TCP11X2: variants seen among roughly 807,000 people sequenced by gnomAD.
TCP11X2 encodes T-complex protein 11-like X-linked protein 2.
A neutral mutation model predicts 16.0 loss-of-function variants in TCP11X2; 1 was observed. The observed-to-expected ratio is 0.06, with a 90% CI of 0.02 to 0.30. The LOEUF is 0.30. Among genes scored for constraint, TCP11X2 ranks in the 10% least tolerant of loss-of-function variants. TCP11X2 has a pLI of 1.00. For synonymous variants in TCP11X2, 2 were observed against 72.2 expected, an observed-to-expected ratio of 0.03 and a Z score of 4.93; for missense variants, 13 against 184.6, an observed-to-expected ratio of 0.07 and a Z score of 5.39.
intron 6 of TCP11X2, 23 bp downstream of exon 6, chrX:102,463,569 C>T: frequency 1.8e-6 from 2 of 1,132,106 alleles, no homozygotes; most frequent in Non-Finnish European, 2.3e-6. Flanking sequence ...CTCCCCTCTC[C>T]TGCCCTTGAA....
At chrX:102,463,557 A>G (rs1934588535) in intron 6 of TCP11X2, 35 bp downstream of exon 6, 1 of 1,151,763 alleles carries the variant, frequency 8.7e-7, no homozygotes, top group Non-Finnish European at 1.2e-6. Context: ...CTGAGGTCAA[A>G]TCTCCCCTCT....
intron 3 of TCP11X2, among the ~76,000 whole-genome samples, chrX:102,466,424 T>TAA (rs1934604746): frequency 5.6e-5 from 1 of 17,865 alleles, no homozygotes; most frequent in Non-Finnish European, 1.3e-4. Flanking sequence ...AAAAAAAAAA[T>TAA]ATATATATAT....
At chrX:102,463,058 AGAGG>A in intron 7 of TCP11X2, 32 bp from the exon 8 acceptor site, 1 of 1,152,751 alleles carries the variant, frequency 8.7e-7, no homozygotes, top group South Asian at 1.9e-5. Context: ...GCCCATCAGA[AGAGG>A]AGGGTTTGAA....
chrX:102,463,696 A>AT lies in TCP11X2; in HGVS notation c.604dup (p.Met202AsnfsTer23), dbSNP rs1934591478. Reference sequence around the variant, plus strand: ...CTGGATGGTATAGTTCACCATGTCCATTTTCATTAGGCCCAGAACACGGAG... The same window carrying AT: ...CTGGATGGTATAGTTCACCATGTCCATTTTTCATTAGGCCCAGAACACGGAG... On this transcript the variant is annotated frameshift_variant, in exon 6 of 10. Coordinates refer to ENST00000642911, the Ensembl canonical transcript of TCP11X2. LOFTEE classifies it high-confidence loss of function. The AT allele has an allele frequency of 6.0e-6, 6 of 1,001,971 alleles. No homozygotes were observed. The South Asian group carries it at 1.1e-4, about 19-fold the overall frequency. 82.6% of individuals were successfully genotyped at this position (1,001,971 alleles called of 1,213,427 possible). A position where few individuals can be genotyped will look rare whatever the true frequency, so the allele number is the denominator to read the frequency against.
intron 3 of TCP11X2, among the ~76,000 whole-genome samples, chrX:102,467,332 TACTC>T (rs1459019064): frequency 3.9e-5 from 4 of 102,860 alleles, no homozygotes; most frequent in Admixed American, 3.0e-4. Flanking sequence ...ACCTAATAAG[TACTC>T]AATAAATGTT....
At chrX:102,466,422 A>AAAAAAT (rs1158082257) in intron 3 of TCP11X2, among the ~76,000 whole-genome samples, 12 of 12,319 alleles carry the variant, frequency 9.7e-4, no homozygotes, top group East Asian at 7.4e-3. Flanking sequence ...AAAAAAAAAA[A>AAAAAAT]ATATATATAT....
intron 9 of TCP11X2, among the ~76,000 whole-genome samples, 165 bp from the exon 10 acceptor site, chrX:102,460,910 GGGAAT>G (rs1934568061): frequency 1.1e-5 from 1 of 93,597 alleles, no homozygotes; most frequent in Non-Finnish European, 2.1e-5. Context: ...GTTTGTTTGG[GGGAAT>G]GGAATGCCAT....
At chrX:102,463,180 T>C (rs1335591001) in exon 7 of TCP11X2, 1 of 1,167,924 alleles carries the variant, frequency 8.6e-7, no homozygotes, top group Non-Finnish European at 1.1e-6. Flanking sequence ...GTAGCCTTGG[T>C]ATAGCACCAT....
exon 7 of TCP11X2, chrX:102,463,261 C>T (rs1934583830): frequency 8.6e-7 from 1 of 1,166,110 alleles, no homozygotes; most frequent in Non-Finnish European, 1.1e-6. Context: ...GCAGGAGGAG[C>T]TAGGTGAGTC....
Position 102,466,422 on chromosome X carries a change from A to AAAAAAAT in TCP11X2, c.231-854_231-853insATTTTTT, listed in dbSNP as rs1158082257. Among the ~76,000 whole-genome samples the AAAAAAAT allele has an allele frequency of 2.5e-3, 31 of 12,319 alleles. 6 individuals carry two copies. The highest frequency in any genetic ancestry group is 4.9e-3 in the Non-Finnish European group (23 of 4,680). The allele number at this position is 12,319 out of a possible 115,157, so 10.7% of individuals were successfully genotyped here. A position where few individuals can be genotyped will look rare whatever the true frequency, so the allele number is the denominator to read the frequency against. ...AAAAAAAAAAAAAAAAAAAAAAAAA[A>AAAAAAAT]ATATATATATATATATATATGTATA... On this transcript the variant is annotated intron_variant, in intron 3 of 9. Transcript: ENST00000642911.
At chrX:102,467,438 T>TA (rs1276492235) in intron 3 of TCP11X2, among the ~76,000 whole-genome samples, 1 of 103,537 alleles carries the variant, frequency 9.7e-6, no homozygotes, top group Non-Finnish European at 2.0e-5. Context: ...AACTGTCAAT[T>TA]ATCTGTAGAT....
chrX:102,463,178 G>T (rs1443180659), exon 7 of TCP11X2: 27 of 1,167,752 alleles, frequency 2.3e-5, no homozygotes, highest in Non-Finnish European at 3.1e-5. Context: ...AGGTAGCCTT[G>T]GTATAGCACC....
At chrX:102,463,445 TTCTA>T (rs1934586936) in intron 6 of TCP11X2, 100 bp from the exon 7 acceptor site, 1 of 958,822 alleles carries the variant, frequency 1.0e-6, no homozygotes, top group South Asian at 2.1e-5. Flanking sequence ...TTGTAGATCT[TTCTA>T]TCTTAGAGAA....
intron 7 of TCP11X2, 32 bp downstream of exon 7, chrX:102,463,092 AG>A (rs1934580029): frequency 3.4e-6 from 4 of 1,162,631 alleles, no homozygotes; most frequent in Non-Finnish European, 3.4e-6. Context: ...TGAATACCAT[AG>A]AACAAGGCAA....
downstream of TCP11X2, chrX:102,460,467 C>CCT: frequency 2.2e-6 from 1 of 445,786 alleles, no homozygotes; most frequent in Non-Finnish European, 3.6e-6. Context: ...AACATGCTGA[C>CCT]CTCTCTCTCC....
intron 3 of TCP11X2, among the ~76,000 whole-genome samples, chrX:102,466,309 T>C (rs1556397201): frequency 1.4e-4 from 1 of 7,318 alleles, no homozygotes; most frequent in African/African-American, 3.1e-4. Context: ...GGCAGGAGAA[T>C]TGCTTAAACC....
exon 7 of TCP11X2, chrX:102,463,265 G>A (rs1286865743): frequency 8.6e-7 from 1 of 1,166,115 alleles, no homozygotes. Flanking sequence ...GAGGAGCTAG[G>A]TGAGTCAGGA....
chrX:102,463,135 T>A (rs1934580695), exon 7 of TCP11X2: 14 of 1,167,059 alleles, frequency 1.2e-5, no homozygotes, highest in Non-Finnish European at 1.6e-5. Context: ...CTCTGGGAAT[T>A]CTACGTTTTC....
intron 3 of TCP11X2, among the ~76,000 whole-genome samples, chrX:102,466,224 C>T (rs1276208325): frequency 2.3e-4 from 1 of 4,317 alleles, no homozygotes; most frequent in African/African-American, 3.3e-4. Context: ...GGTGAAACCC[C>T]GTCTCTACTA....
Sources: gnomAD v4.1 joint callset for allele counts (sites outside exome capture counted in the v4.1 genomes callset) on GRCh38, gnomAD v4.1.1 for gene constraint, MANE v1.5 for transcripts, NCBI Gene and HGNC (gene_info 2026-07-23, HGNC 2026-07-21) for gene names.